The following MAP2 variants were observed in gnomAD, a reference collection of about 807,000 sequenced individuals.
The protein encoded by MAP2 is microtubule-associated protein 2.
MAP2 carries 14 observed loss-of-function variants against 137.6 expected under a neutral mutation model. That is an observed-to-expected ratio of 0.10 (90% CI 0.07 to 0.16). MAP2 has a LOEUF of 0.16. Among genes scored for constraint, MAP2 ranks in the 10% least tolerant of loss-of-function variants. The pLI is 1.00. For synonymous variants in MAP2, 786 were observed against 782.3 expected, an observed-to-expected ratio of 1.00 and a Z score of -0.08; for missense variants, 2,088 against 2,191.5, an observed-to-expected ratio of 0.95 and a Z score of 0.94.
At chr2:209,561,307 T>C (rs1350769592) in intron 2 of MAP2, among the ~76,000 whole-genome samples, 1 of 152,168 alleles carries the variant, frequency 6.6e-6, no homozygotes, top group Non-Finnish European at 1.5e-5. Flanking sequence ...GTGATTGGGT[T>C]TGGTAGGGCT....
At chr2:209,487,208 A>G (rs559273852) in intron 1 of MAP2, among the ~76,000 whole-genome samples, 1 of 152,276 alleles carries the variant, frequency 6.6e-6, no homozygotes, top group East Asian at 1.9e-4. Flanking sequence ...CTACACCTGG[A>G]CTCACCCGAG....
intron 5 of MAP2, chr2:209,661,420 A>G (rs528056165): frequency 9.6e-6 from 7 of 727,356 alleles, no homozygotes; most frequent in African/African-American, 7.8e-5. Flanking sequence ...CCTAGTTGCC[A>G]TGCCAACCAC....
At chr2:209,667,615 A>T (rs899706371) in intron 5 of MAP2, among the ~76,000 whole-genome samples, 3 of 151,926 alleles carry the variant, frequency 2.0e-5, no homozygotes, top group African/African-American at 7.2e-5. Context: ...AAAATAATAT[A>T]TTTTTCATAT....
intron 1 of MAP2, among the ~76,000 whole-genome samples, chr2:209,496,084 G>T (rs745723152): frequency 5.3e-5 from 8 of 152,274 alleles, no homozygotes; most frequent in Admixed American, 4.6e-4. Context: ...CTTATCTCAT[G>T]CCTCGCTTCC....
At position 209,577,225 on chromosome 2, in the gene MAP2, G is replaced by C. The variant is rs1363854330; in HGVS notation, c.-171-2811G>C. Among the ~76,000 whole-genome samples, 3 of 150,626 alleles carry C rather than the reference G, an allele frequency of 2.0e-5. No homozygotes were observed. In the East Asian group the frequency reaches 5.8e-4, roughly 29 times the overall value. On this transcript the variant is annotated intron_variant, in intron 2 of 15. Transcript: ENST00000682079. ...TTTAAAGGGGCATTTTTTTTTTTGC[G>C]GGTCGGGGGAAGAATTCTAACCAGT...
At chr2:209,656,434 A>G (rs1188676630) in intron 5 of MAP2, among the ~76,000 whole-genome samples, 1 of 152,076 alleles carries the variant, frequency 6.6e-6, no homozygotes, top group Non-Finnish European at 1.5e-5. Flanking sequence ...ACCTGAGCCC[A>G]GGGAGGTCAA....
rs541472648 is a variant in MAP2, at chr2:209,730,331, C to A, written c.5418C>A (p.Leu1806=). ...NVSSSGSINL[L]ESPQLATLAE... ...CCTCGTCTGGAAGCATCAACCTGCT[C>A]GAATCTCCTCAGCTTGCCACTTTGG... The change falls in exon 16 of 16, where the codon CTC becomes CTA. Residue 1806 remains leucine, a synonymous_variant. Coordinates refer to ENST00000682079, the MANE Select transcript of MAP2 (RefSeq NM_001375505.1). 6.2e-7 allele frequency: 1 copy of A among 1,614,090 alleles called. No individual in the cohort carries two copies.
At chr2:209,516,561 G>A (rs1429031283) in intron 2 of MAP2, among the ~76,000 whole-genome samples, 1 of 152,232 alleles carries the variant, frequency 6.6e-6, no homozygotes, top group South Asian at 2.1e-4. Context: ...GGAACTTACC[G>A]AAAATAAAGG....
chr2:209,462,925 A>G (rs1201722313), intron 1 of MAP2, among the ~76,000 whole-genome samples: 1 of 152,110 alleles, frequency 6.6e-6, no homozygotes, highest in East Asian at 1.9e-4. Flanking sequence ...AAATGAAAAG[A>G]GATTTTTCTG....
intron 4 of MAP2, among the ~76,000 whole-genome samples, chr2:209,636,137 T>C (rs1355192): frequency 0.01 from 1,533 of 152,248 alleles, 25 homozygotes; most frequent in African/African-American, 0.035. Flanking sequence ...TGCTCAGTAA[T>C]TACTACAGAA....
intron 1 of MAP2, among the ~76,000 whole-genome samples, chr2:209,433,417 G>T (rs1010199257): frequency 6.6e-6 from 1 of 152,058 alleles, no homozygotes; most frequent in Non-Finnish European, 1.5e-5. Flanking sequence ...AATGGTACTG[G>T]AGTCCAACAG....
intron 1 of MAP2, among the ~76,000 whole-genome samples, chr2:209,447,230 C>T (rs897005178): frequency 5.3e-5 from 8 of 151,898 alleles, no homozygotes; most frequent in African/African-American, 1.9e-4. Context: ...TGATCATGAA[C>T]TTTCTATTTG....
At chr2:209,585,132 AG>A (rs1253927844) in intron 3 of MAP2, among the ~76,000 whole-genome samples, 1 of 151,890 alleles carries the variant, frequency 6.6e-6, no homozygotes, top group East Asian at 1.9e-4. Context: ...AGGGAAGTTT[AG>A]GGAGGGAGGG....
rs188063632 is a variant in MAP2 at position 209,578,043 on chromosome 2, G to C, written c.-171-1993G>C. Among the ~76,000 whole-genome samples the C allele has an allele frequency of 1.9e-3, 288 of 152,314 alleles. 1 individual carries two copies. The highest frequency in any genetic ancestry group is 6.7e-3 in the African/African-American group (278 of 41,570). On this transcript the variant is annotated intron_variant, in intron 2 of 15. Coordinates refer to ENST00000682079, the MANE Select transcript of MAP2 (RefSeq NM_001375505.1). ...AAGACAAAGGATGTTTCTGGAATCT[G>C]TATTGCTTGCAAACAGAACAAAAGA...
chr2:209,449,431 A>G (rs1383262678), intron 1 of MAP2, among the ~76,000 whole-genome samples: 1 of 152,180 alleles, frequency 6.6e-6, no homozygotes, highest in East Asian at 1.9e-4. Context: ...CCATGTCCAT[A>G]GTCTATACCA....
chr2:209,697,027 T>C lies in MAP2; in HGVS notation c.4498T>C (p.Ser1500Pro), dbSNP rs768746298. Residue 1500 changes from serine to proline, a missense_variant, in exon 10 of 16, where the codon TCC becomes CCC. Ser to Pro is a moderately conservative substitution (Grantham distance 74, BLOSUM62 -1). Coordinates refer to ENST00000682079, the MANE Select transcript of MAP2 (RefSeq NM_001375505.1). ...CAAATATACTAGACCAACTCATCTCTCCTGTGTTAAGCGGAAAACCACAGG... is the reference window on the plus strand; with the variant it reads ...CAAATATACTAGACCAACTCATCTCCCCTGTGTTAAGCGGAAAACCACAGG... ...AIKYTRPTHL[S>P]CVKRKTTAAG... is the part of the protein sequence containing the mutation. 1.2e-5 allele frequency: 19 copies of C among 1,606,918 alleles called. No homozygotes were observed. Among genetic ancestry groups the C allele is most frequent in the Middle Eastern group, 1.7e-4 (1 of 6,042 alleles).
chr2:209,580,217 ATT>A, intron 3 of MAP2, 117 bp downstream of exon 3: 1 of 152,194 alleles, frequency 6.6e-6, no homozygotes, highest in Middle Eastern at 3.4e-3. Context: ...TAAGTTGATC[ATT>A]GTCTATTGCA....
chr2:209,592,269 A>G (rs2079469554), intron 3 of MAP2, among the ~76,000 whole-genome samples: 1 of 152,178 alleles, frequency 6.6e-6, no homozygotes, highest in Non-Finnish European at 1.5e-5. Flanking sequence ...ACCATAGATA[A>G]TAAGTAAATG....
intron 3 of MAP2, among the ~76,000 whole-genome samples, chr2:209,621,688 G>T (rs979725146): frequency 2.0e-5 from 3 of 152,178 alleles, no homozygotes; most frequent in Non-Finnish European, 4.4e-5. Flanking sequence ...TTATCTTGAT[G>T]ACTTTGTTGT....
Sources: gnomAD v4.1 joint callset for allele counts (sites outside exome capture counted in the v4.1 genomes callset) on GRCh38, gnomAD v4.1.1 for gene constraint, MANE v1.5 for transcripts, NCBI Gene and HGNC (gene_info 2026-07-23, HGNC 2026-07-21) for gene names.